NOMO1: variants seen among roughly 807,000 people sequenced by gnomAD.
NOMO1 encodes NODAL modulator 1.
A neutral mutation model predicts 133.8 loss-of-function variants in NOMO1; 40 were observed. The ratio of observed to expected loss-of-function variants is 0.30; its 90% CI spans 0.23 to 0.39. The LOEUF is 0.39. Among genes scored for constraint, NOMO1 ranks in the 10% least tolerant of loss-of-function variants. The pLI, the probability that NOMO1 is intolerant of heterozygous loss-of-function variation, is 1.00. For synonymous variants in NOMO1, 236 were observed against 570.5 expected (o/e 0.41, Z 8.36); for missense variants, 462 against 1,419.9 (o/e 0.33, Z 10.84).
chr16:14,860,862 A>AT (rs988860118), intron 11 of NOMO1, among the ~76,000 whole-genome samples: 25 of 149,532 alleles, frequency 1.7e-4, no homozygotes, highest in South Asian at 8.5e-4. Context: ...TTTCCTTTTT[A>AT]TTTTTTTTTT....
intron 15 of NOMO1, among the ~76,000 whole-genome samples, chr16:14,867,782 C>T (rs1597105004): frequency 6.7e-6 from 1 of 148,638 alleles, no homozygotes; most frequent in Non-Finnish European, 1.5e-5. Flanking sequence ...CTCGACAGGT[C>T]GATTTGTTAT....
chr16:14,863,200 GTTTTAAA>G lies in NOMO1; in HGVS notation c.1395+17_1395+23del. The G allele has an allele frequency of 6.4e-7, 1 of 1,552,838 alleles. No homozygotes were observed. The highest frequency in any genetic ancestry group is 1.2e-5 in the South Asian group (1 of 83,216). On this transcript the variant is annotated intron_variant, in intron 12 of 30. Transcript: ENST00000287667. ...TTACAAAGTGCAGGTGCGATGCATT[GTTTTAAA>G]TTTAAAATGTTTTGAGAAAAAGCAG...
At chr16:14,885,135 G>A (rs577531619) in intron 27 of NOMO1, among the ~76,000 whole-genome samples, 2 of 152,188 alleles carry the variant, frequency 1.3e-5, no homozygotes, top group East Asian at 1.9e-4. Flanking sequence ...ACCAAGCCAC[G>A]AGGGATCCAC....
At chr16:14,879,100 G>C (rs1347067076) in intron 23 of NOMO1, among the ~76,000 whole-genome samples, 1 of 151,868 alleles carries the variant, frequency 6.6e-6, no homozygotes, top group Admixed American at 6.6e-5. Context: ...TGGCCACAAC[G>C]GCTGCTCTCT....
At chr16:14,842,058 C>G (rs1963611089) in intron 3 of NOMO1, among the ~76,000 whole-genome samples, 1 of 151,294 alleles carries the variant, frequency 6.6e-6, no homozygotes, top group African/African-American at 2.5e-5. Context: ...GCACACATCC[C>G]AAACAAAAGC....
chr16:14,860,097 C>T (rs405085), intron 11 of NOMO1, among the ~76,000 whole-genome samples: 10 of 151,880 alleles, frequency 6.6e-5, no homozygotes, highest in South Asian at 2.1e-4. Flanking sequence ...TGGCCGGGCA[C>T]GGTGGCTCAC....
At chr16:14,842,986 T>A (rs1963628131) in intron 3 of NOMO1, among the ~76,000 whole-genome samples, 1 of 146,854 alleles carries the variant, frequency 6.8e-6, no homozygotes, top group East Asian at 2.0e-4. Flanking sequence ...TGGAGTGTGA[T>A]CTCAGTTCAC....
At chr16:14,862,470 TTTAAC>T (rs773764854) in intron 11 of NOMO1, 120 of 156,920 alleles carry the variant, frequency 7.6e-4, no homozygotes, top group Non-Finnish European at 1.4e-3. Flanking sequence ...CTTTGCATTT[TTTAAC>T]TTAATTACCT....
chr16:14,853,740 T>G (rs1438444095), intron 8 of NOMO1, 136 bp downstream of exon 8: 12 of 907,626 alleles, frequency 1.3e-5, no homozygotes, highest in Middle Eastern at 3.5e-4. Context: ...GTAACTTACT[T>G]AAGATGAGAC....
chr16:14,858,651 C>T (rs193101175), intron 11 of NOMO1, among the ~76,000 whole-genome samples: 38 of 152,200 alleles, frequency 2.5e-4, no homozygotes, highest in Admixed American at 1.6e-3. Context: ...GATGATGAGG[C>T]CAACCCCATA....
At chr16:14,836,746 C>A (rs912746096) in intron 1 of NOMO1, among the ~76,000 whole-genome samples, 1 of 148,352 alleles carries the variant, frequency 6.7e-6, no homozygotes, top group Admixed American at 6.7e-5. Flanking sequence ...TCGCCCAGGC[C>A]GGACTGCAGA....
chr16:14,892,328 T>C lies in NOMO1; in HGVS notation c.3445-2670T>C, dbSNP rs201898228. ...GGGGCTGCACTGTGGCCCCAGTTGCTGGGAGAGGCTTCTGTGAAGGCCGTT... is the reference window on the plus strand; with the variant it reads ...GGGGCTGCACTGTGGCCCCAGTTGCCGGGAGAGGCTTCTGTGAAGGCCGTT... On this transcript the variant is annotated intron_variant, in intron 29 of 30. Coordinates refer to ENST00000287667, the MANE Select transcript of NOMO1 (RefSeq NM_014287.4). Among the ~76,000 whole-genome samples, 25 of 151,668 alleles carry C rather than the reference T, an allele frequency of 1.6e-4. No individual in the cohort carries two copies. In the East Asian group the frequency reaches 4.9e-3, roughly 29 times the overall value.
chr16:14,889,619 G>A (rs1488505080), intron 29 of NOMO1, among the ~76,000 whole-genome samples: 1 of 151,888 alleles, frequency 6.6e-6, no homozygotes, highest in Admixed American at 6.6e-5. Context: ...GCTCCAGATC[G>A]CAGGTTGCAG....
intron 2 of NOMO1, among the ~76,000 whole-genome samples, chr16:14,838,816 C>G: frequency 6.6e-6 from 1 of 150,780 alleles, no homozygotes; most frequent in Non-Finnish European, 1.5e-5. Context: ...CCTACGACAG[C>G]CCAGATGTCA....
At chr16:14,860,915 C>T (rs1289989553) in intron 11 of NOMO1, among the ~76,000 whole-genome samples, 1 of 149,790 alleles carries the variant, frequency 6.7e-6, no homozygotes, top group Admixed American at 6.7e-5. Flanking sequence ...AGTACAGTGG[C>T]GCCATCTCGG....
At chr16:14,853,899 T>A in intron 8 of NOMO1, 38 bp from the exon 9 acceptor site, 1 of 1,610,970 alleles carries the variant, frequency 6.2e-7, no homozygotes, top group Non-Finnish European at 8.5e-7. Context: ...ATTGATCATG[T>A]TAGTGGTTCT....
chr16:14,871,554 G>C, intron 16 of NOMO1, 67 bp from the exon 17 acceptor site: 1 of 1,607,048 alleles, frequency 6.2e-7, no homozygotes, highest in Non-Finnish European at 8.5e-7. Flanking sequence ...CTCGATTTCA[G>C]ATGTCGGAAT....
chr16:14,879,967 G>A lies in NOMO1; in HGVS notation c.2758-48G>A, dbSNP rs746465280. On this transcript the variant is annotated intron_variant, in intron 23 of 30. Coordinates refer to ENST00000287667, the MANE Select transcript of NOMO1 (RefSeq NM_014287.4). The stretch of plus-strand genomic sequence containing the variant: ...CGTGACATTCGCCCCTCACTTTTAA[G>A]CCATGCCTAGATGTGGCTGCTGAGG... 8 of 1,611,478 alleles carry A rather than the reference G, an allele frequency of 5.0e-6. 1 individual carries two copies. In the South Asian group the frequency reaches 8.8e-5, roughly 18 times the overall value.
chr16:14,877,467 C>T lies in NOMO1; in HGVS notation c.2643+677C>T, dbSNP rs1447094220. 2.0e-5 allele frequency among the ~76,000 whole-genome samples: 3 copies of T among 149,414 alleles called. No individual in the cohort carries two copies. The East Asian group carries it at 5.9e-4, about 30-fold the overall frequency. On this transcript the variant is annotated intron_variant, in intron 22 of 30. Coordinates refer to ENST00000287667, the MANE Select transcript of NOMO1 (RefSeq NM_014287.4). ...CATAAAAATTTAAAATTCTATATTG[C>T]TGAATACATTTGGAACCAAACTGAA...
Sources: gnomAD v4.1 joint callset for allele counts (sites outside exome capture counted in the v4.1 genomes callset) on GRCh38, gnomAD v4.1.1 for gene constraint, MANE v1.5 for transcripts, NCBI Gene and HGNC (gene_info 2026-07-23, HGNC 2026-07-21) for gene names.